The following LRRFIP2 variants were observed in gnomAD, a reference collection of about 807,000 sequenced individuals.
LRRFIP2 encodes the protein LRR binding FLII interacting protein 2.
LRRFIP2 carries 109 observed loss-of-function variants against 125.9 expected under a neutral mutation model. That is an observed-to-expected ratio of 0.87 (90% CI 0.74 to 1.01). LRRFIP2 has a LOEUF of 1.01. LRRFIP2 is among the 50% of genes least tolerant of loss of function. LRRFIP2 has a pLI of 0.00. For missense variants in LRRFIP2, 850 were observed against 862.3 expected, an observed-to-expected ratio of 0.99 and a Z score of 0.18; for synonymous variants, 291 against 293.1, an observed-to-expected ratio of 0.99 and a Z score of 0.07.
At chr3:37,174,836 T>C (rs1384728695), upstream of LRRFIP2, 1 of 152,220 alleles carries the variant, frequency 6.6e-6, no homozygotes, top group Non-Finnish European at 1.5e-5. Flanking sequence ...TTTCCTCTAT[T>C]TCAATTTTCA....
intron 1 of LRRFIP2, among the ~76,000 whole-genome samples, chr3:37,171,835 T>G (rs1256898827): frequency 6.6e-6 from 1 of 152,254 alleles, no homozygotes; most frequent in Non-Finnish European, 1.5e-5. Flanking sequence ...CATAAAATTC[T>G]GAAACAATCA....
chr3:37,073,961 T>C (rs900218130), intron 20 of LRRFIP2, among the ~76,000 whole-genome samples: 2 of 152,184 alleles, frequency 1.3e-5, no homozygotes, highest in African/African-American at 4.8e-5. Context: ...CTACCTTATA[T>C]GGAGAAAAAC....
At chr3:37,152,751 T>A (rs998895328) in intron 1 of LRRFIP2, among the ~76,000 whole-genome samples, 5 of 152,052 alleles carry the variant, frequency 3.3e-5, no homozygotes, top group African/African-American at 1.2e-4. Context: ...ATGAAATTTT[T>A]AAAAAAATGG....
chr3:37,103,073 A>C, intron 14 of LRRFIP2, 60 bp from the exon 15 acceptor site: 1 of 1,341,394 alleles, frequency 7.5e-7, no homozygotes, highest in Non-Finnish European at 1.0e-6. Flanking sequence ...AGAAAAAAAT[A>C]AGAACATTGG....
At chr3:37,128,193 G>A (rs373158132) in intron 3 of LRRFIP2, among the ~76,000 whole-genome samples, 1 of 152,174 alleles carries the variant, frequency 6.6e-6, no homozygotes, top group Non-Finnish European at 1.5e-5. Context: ...TTTTTCTTGA[G>A]CTGTGACAAT....
intron 12 of LRRFIP2, 24 bp from the exon 13 acceptor site, chr3:37,108,153 G>C (rs774568592): frequency 2.6e-5 from 41 of 1,579,298 alleles, no homozygotes; most frequent in Non-Finnish European, 3.2e-5. Context: ...AAGAAGAAAG[G>C]TTTTACAACA....
At chr3:37,149,496 G>A (rs988315209) in intron 1 of LRRFIP2, among the ~76,000 whole-genome samples, 10 of 152,066 alleles carry the variant, frequency 6.6e-5, no homozygotes, top group African/African-American at 2.2e-4. Context: ...CAGCTTGGGA[G>A]ACGGAGCAAG....
rs770362071 is a variant in LRRFIP2 at position 37,108,641 on chromosome 3, C to G, written c.653G>C (p.Arg218Pro). Reference sequence around the variant, plus strand: ...CCTTCCCCTATTTAGACTTACAGTTCGAGGACCATAAGGGTTATATAATCC... The same window carrying G: ...CCTTCCCCTATTTAGACTTACAGTTGGAGGACCATAAGGGTTATATAATCC... Reference protein sequence around the residue: ...NGGLYNPYGPRTPSECSYYSS... With the variant: ...NGGLYNPYGPPTPSECSYYSS... The change falls in exon 12 of 28, where the codon CGA (arginine) becomes CCA (proline). Residue 218 changes from arginine (R) to proline (P), a missense_variant. Physicochemically the swap from Arg to Pro is moderately radical, Grantham distance 103. Coordinates refer to ENST00000336686, the MANE Select transcript of LRRFIP2 (RefSeq NM_006309.4). 3.7e-6 allele frequency: 6 copies of G among 1,607,778 alleles called. No homozygotes were observed. The Admixed American group carries it at 6.7e-5, about 18-fold the overall frequency.
chr3:37,074,656 T>C (rs149331967), intron 20 of LRRFIP2, among the ~76,000 whole-genome samples: 106 of 152,330 alleles, frequency 7.0e-4, no homozygotes, highest in African/African-American at 2.3e-3. Flanking sequence ...GAAATGTATT[T>C]ACCTGAGTGA....
intron 9 of LRRFIP2, among the ~76,000 whole-genome samples, chr3:37,110,484 C>T (rs150786228): frequency 1.3e-3 from 198 of 152,122 alleles, no homozygotes; most frequent in African/African-American, 4.1e-3. Context: ...GTGTCAAATG[C>T]CTTTAAAAAA....
Position 37,148,896 on chromosome 3 carries a change from C to T in LRRFIP2, c.88G>A (p.Glu30Lys). Residue 30 changes from glutamate (E) to lysine (K), a missense_variant and splice_region_variant, in exon 2 of 28, where the codon GAG becomes AAG. Coordinates refer to ENST00000336686, the MANE Select transcript of LRRFIP2 (RefSeq NM_006309.4). ...EDEALSNIAR[E>K]AEARLAAKRA... ...GAGAGGGGATTTACCAAACATACCT[C>T]TCTGGCAATGTTACTCAAAGCTTCA... 6.2e-7 allele frequency: 1 copy of T among 1,614,070 alleles called. No homozygotes were observed. The highest frequency in any genetic ancestry group is 1.1e-5 in the South Asian group (1 of 91,078).
chr3:37,172,135 T>C (rs140200414), intron 1 of LRRFIP2, among the ~76,000 whole-genome samples: 239 of 152,356 alleles, frequency 1.6e-3, no homozygotes, highest in African/African-American at 5.6e-3. Flanking sequence ...AGTTTTAACT[T>C]TTCATAACTT....
In LRRFIP2 at chr3:37,101,422, T is replaced by C. The variant is rs186432733; in HGVS notation, c.873+1502A>G. On this transcript the variant is annotated intron_variant, in intron 15 of 27. Transcript: ENST00000336686. ...GCTCATGCCTGTAATCCCAACACTTTGGGAGGCTGAGGCAGGTAGATTGAT... is the reference window on the plus strand; with the variant it reads ...GCTCATGCCTGTAATCCCAACACTTCGGGAGGCTGAGGCAGGTAGATTGAT... Among the ~76,000 whole-genome samples, 86 of 151,148 alleles carry C rather than the reference T, an allele frequency of 5.7e-4. No homozygotes were observed. In the East Asian group the frequency reaches 0.015, roughly 26 times the overall value.
chr3:37,072,989 G>T, intron 20 of LRRFIP2, 107 bp from the exon 21 acceptor site: 1 of 695,680 alleles, frequency 1.4e-6, no homozygotes, highest in East Asian at 2.8e-5. Context: ...TTAACCAAAA[G>T]GGAAAGTCTG....
chr3:37,068,860 C>G (rs1012882226), intron 21 of LRRFIP2: 5 of 152,304 alleles, frequency 3.3e-5, no homozygotes, highest in African/African-American at 4.8e-5. Flanking sequence ...GCAAGTTCTT[C>G]ATACGCACCT....
intron 21 of LRRFIP2, among the ~76,000 whole-genome samples, chr3:37,071,535 T>A (rs1159626160): frequency 6.6e-6 from 1 of 152,054 alleles, no homozygotes; most frequent in Non-Finnish European, 1.5e-5. Flanking sequence ...TCTTCCCATG[T>A]GTATATTAAT....
At chr3:37,131,799 T>C (rs2149720875) in intron 2 of LRRFIP2, among the ~76,000 whole-genome samples, 1 of 152,284 alleles carries the variant, frequency 6.6e-6, no homozygotes, top group Middle Eastern at 3.4e-3. Context: ...AGAGACACAA[T>C]GCTTATGGGA....
chr3:37,094,495 T>C (rs541369748), intron 17 of LRRFIP2, among the ~76,000 whole-genome samples: 1 of 152,328 alleles, frequency 6.6e-6, no homozygotes, highest in Non-Finnish European at 1.5e-5. Context: ...ACATGGCCAG[T>C]TGTTTCTGAG....
chr3:37,166,758 C>G (rs2096498697), intron 1 of LRRFIP2, among the ~76,000 whole-genome samples: 1 of 151,568 alleles, frequency 6.6e-6, no homozygotes. Context: ...GTGGCTCATG[C>G]CTGTAATCCC....
Sources: allele counts gnomAD v4.1 joint callset (sites outside exome capture counted in the v4.1 genomes callset), GRCh38; gene constraint gnomAD v4.1.1; transcripts MANE v1.5; gene names NCBI Gene and HGNC (gene_info 2026-07-23, HGNC 2026-07-21).